MSTO1: variants seen among roughly 807,000 people sequenced by gnomAD.
MSTO1 encodes the protein protein misato homolog 1.
MSTO1 carries 24 observed loss-of-function variants against 55.7 expected under a neutral mutation model. The ratio of observed to expected loss-of-function variants is 0.43; its 90% CI spans 0.31 to 0.61. The LOEUF is 0.61. MSTO1 is among the 20% of genes least tolerant of loss of function. MSTO1 has a pLI of 0.09. For synonymous variants in MSTO1, 162 were observed against 252.8 expected, an observed-to-expected ratio of 0.64 and a Z score of 3.41; for missense variants, 363 against 625.7, an observed-to-expected ratio of 0.58 and a Z score of 4.48.
the MSTO1 span, among the ~76,000 whole-genome samples, chr1:155,578,361 T>TTTTTTTTTTTTTTG: frequency 7.2e-6 from 1 of 139,654 alleles, no homozygotes; most frequent in East Asian, 2.2e-4. Context: ...TTTTTTTTTT[T>TTTTTTTTTTTTTTG]TTTGAGATAG....
intron 9 of MSTO1, 102 bp downstream of exon 9, chr1:155,612,672 C>G (rs991250432): frequency 1.4e-6 from 2 of 1,460,382 alleles, no homozygotes; most frequent in African/African-American, 2.8e-5. Flanking sequence ...GAGGCCCGAG[C>G]TTGAACTCAG....
the MSTO1 span, among the ~76,000 whole-genome samples, chr1:155,571,441 A>C: frequency 6.6e-6 from 1 of 152,114 alleles, no homozygotes; most frequent in Non-Finnish European, 1.5e-5. Flanking sequence ...CCCCTGCTGT[A>C]GTCCAAGCTC....
chr1:155,566,497 A>C, the MSTO1 span, among the ~76,000 whole-genome samples: 1 of 152,228 alleles, frequency 6.6e-6, no homozygotes, highest in Middle Eastern at 3.4e-3. Flanking sequence ...TAGCCAGGCC[A>C]TGGTGGCATG....
At chr1:155,601,298 TA>T in the MSTO1 span, among the ~76,000 whole-genome samples, 8 of 151,510 alleles carry the variant, frequency 5.3e-5, no homozygotes, top group African/African-American at 1.9e-4. Flanking sequence ...CACGCCCGGC[TA>T]TTTTTTTTTG....
chr1:155,605,258 C>CTCAAAACAAA (rs569258075), upstream of MSTO1, among the ~76,000 whole-genome samples: 3 of 151,022 alleles, frequency 2.0e-5, no homozygotes, highest in African/African-American at 4.9e-5. Context: ...AAGACTCCAT[C>CTCAAAACAAA]ACAAAACAAA....
chr1:155,613,976 G>T (rs1489337799), intron 13 of MSTO1, 83 bp from the exon 14 acceptor site: 1 of 1,587,002 alleles, frequency 6.3e-7, no homozygotes, highest in Non-Finnish European at 8.6e-7. Context: ...GTCTACTAAG[G>T]TTGGACTTCC....
the MSTO1 span, among the ~76,000 whole-genome samples, chr1:155,581,230 G>A: frequency 6.6e-6 from 1 of 151,890 alleles, no homozygotes; most frequent in African/African-American, 2.4e-5. Context: ...CTCCCAAAGT[G>A]TGGGCATTAT....
chr1:155,604,697 G>A, the MSTO1 span, among the ~76,000 whole-genome samples: 14 of 151,904 alleles, frequency 9.2e-5, no homozygotes, highest in African/African-American at 3.1e-4. Context: ...GCAACATGGT[G>A]AAACCTCATC....
chr1:155,573,400 A>G, the MSTO1 span, among the ~76,000 whole-genome samples: 1 of 152,052 alleles, frequency 6.6e-6, no homozygotes, highest in Non-Finnish European at 1.5e-5. Context: ...CTTTCTCTAC[A>G]AAAAAGATAG....
chr1:155,566,353 TG>T, the MSTO1 span: 10 of 152,192 alleles, frequency 6.6e-5, no homozygotes, highest in African/African-American at 1.9e-4. Context: ...GGTTTCAGGC[TG>T]GGCGCAGTGG....
chr1:155,603,815 G>A, the MSTO1 span, among the ~76,000 whole-genome samples: 2 of 152,062 alleles, frequency 1.3e-5, no homozygotes, highest in African/African-American at 2.4e-5. Flanking sequence ...CTGAGATCAC[G>A]CCACTGTACT....
the MSTO1 span, among the ~76,000 whole-genome samples, chr1:155,597,490 G>A: frequency 6.6e-6 from 1 of 151,568 alleles, no homozygotes; most frequent in African/African-American, 2.4e-5. Context: ...TTGGATTGAT[G>A]TAGGATTTGA....
At position 155,611,028 on chromosome 1, in the gene MSTO1, T is replaced by C; in HGVS notation, c.221-11T>C. On this transcript the variant is annotated splice_polypyrimidine_tract_variant and intron_variant, in intron 2 of 13. Coordinates refer to ENST00000245564, the MANE Select transcript of MSTO1 (RefSeq NM_018116.4). ...CTTTGACCTAACATTGTCTCTGTTA[T>C]TTCTGTACAGGTAGTTTGAGCTCCC... 1 of 583,758 alleles carries C rather than the reference T, an allele frequency of 1.7e-6. No homozygotes were observed. Among genetic ancestry groups the C allele is most frequent in the Non-Finnish European group, 2.9e-6 (1 of 347,072 alleles). The allele number at this position is 583,758 out of a possible 1,614,324, so 36.2% of individuals were successfully genotyped here. A position where few individuals can be genotyped will look rare whatever the true frequency, so the allele number is the denominator to read the frequency against.
chr1:155,612,652 C>G (rs1218542847), intron 9 of MSTO1, 82 bp downstream of exon 9: 4 of 1,513,178 alleles, frequency 2.6e-6, no homozygotes, highest in Non-Finnish European at 3.6e-6. Context: ...CTGTTACTGG[C>G]TCTGTTCTTG....
Position 155,614,722 on chromosome 1 carries a change from C to T in MSTO1, c.*449C>T. 3.2e-6 allele frequency: 5 copies of T among 1,578,380 alleles called. No homozygotes were observed. Among genetic ancestry groups the T allele is most frequent in the Non-Finnish European group, 4.4e-6 (5 of 1,148,652 alleles). On this transcript the variant is annotated 3_prime_UTR_variant, in exon 14 of 14. Transcript: ENST00000245564. ...CCTGTGTAGATGATTCCCAGAGTCT[C>T]ATTCATCCAGCTCCTCTTCAGACAG...
At chr1:155,579,315 A>C in the MSTO1 span, among the ~76,000 whole-genome samples, 1 of 146,062 alleles carries the variant, frequency 6.8e-6, no homozygotes. Flanking sequence ...CTCCATCTCA[A>C]AACAAGCAAA....
chr1:155,584,155 G>T, the MSTO1 span, among the ~76,000 whole-genome samples: 1 of 152,106 alleles, frequency 6.6e-6, no homozygotes, highest in Non-Finnish European at 1.5e-5. Context: ...GATCACTTGA[G>T]CCCAGGAAAG....
the MSTO1 span, among the ~76,000 whole-genome samples, chr1:155,591,584 A>C: frequency 6.6e-6 from 1 of 152,042 alleles, no homozygotes; most frequent in Non-Finnish European, 1.5e-5. Context: ...TGAGGTTGGG[A>C]GTTCAAGACC....
chr1:155,563,870 G>T, the MSTO1 span: 1 of 314,900 alleles, frequency 3.2e-6, no homozygotes, highest in South Asian at 2.6e-5. Context: ...CAGTTCTGTT[G>T]ATGTCGATAA....
Sources: allele counts gnomAD v4.1 joint callset (sites outside exome capture counted in the v4.1 genomes callset), GRCh38; gene constraint gnomAD v4.1.1; transcripts MANE v1.5; gene names NCBI Gene and HGNC (gene_info 2026-07-23, HGNC 2026-07-21).